Variants in VWA3B observed in about 807,000 individuals in gnomAD.
VWA3B encodes the protein von Willebrand factor A domain-containing protein 3B.
A neutral mutation model predicts 158.3 loss-of-function variants in VWA3B; 138 were observed. The ratio of observed to expected loss-of-function variants is 0.87; its 90% CI spans 0.76 to 1.00. The LOEUF is 1.00. Among genes scored for constraint, VWA3B ranks in the 50% least tolerant of loss-of-function variants. VWA3B has a pLI of 0.00. For synonymous variants in VWA3B, 596 were observed against 587.3 expected, an observed-to-expected ratio of 1.01 and a Z score of -0.21; for missense variants, 1,555 against 1,565.1, an observed-to-expected ratio of 0.99 and a Z score of 0.11.
At chr2:98,159,903 G>A (rs1195886734) in intron 7 of VWA3B, among the ~76,000 whole-genome samples, 31 of 151,794 alleles carry the variant, frequency 2.0e-4, no homozygotes, top group African/African-American at 6.5e-4. Context: ...CCAGCTATTC[G>A]GGAGGCTGAG....
Position 98,128,366 on chromosome 2 carries a change from C to CTA in VWA3B, c.833_834dup (p.Ala279Ter). Reference sequence around the variant, plus strand: ...TCCTTCAACGCCAGAGGAGAAGGCACTATAGCTTTTCTAAAGGATCTGAGT... The same window carrying CTA: ...TCCTTCAACGCCAGAGGAGAAGGCACTATATAGCTTTTCTAAAGGATCTGAGT... On this transcript the variant is annotated frameshift_variant, in exon 6 of 28. Transcript: ENST00000477737. LOFTEE classifies it high-confidence loss of function. 1.2e-6 allele frequency: 2 copies of CTA among 1,613,970 alleles called. No homozygotes were observed. The highest frequency in any genetic ancestry group is 1.7e-6 in the Non-Finnish European group (2 of 1,179,958).
chr2:98,184,994 C>T (rs1406112185), intron 9 of VWA3B, among the ~76,000 whole-genome samples: 13 of 152,220 alleles, frequency 8.5e-5, no homozygotes, highest in Admixed American at 8.5e-4. Context: ...ACTTCAGTCC[C>T]ATATGGAGGA....
intron 16 of VWA3B, among the ~76,000 whole-genome samples, chr2:98,232,632 T>TCTG (rs1339897682): frequency 2.6e-5 from 4 of 152,244 alleles, no homozygotes; most frequent in Non-Finnish European, 5.9e-5. Context: ...TGTTAGGAAC[T>TCTG]CTGCATCTCA....
the VWA3B span, among the ~76,000 whole-genome samples, chr2:98,327,484 A>T: frequency 6.6e-6 from 1 of 152,232 alleles, no homozygotes; most frequent in Non-Finnish European, 1.5e-5. Flanking sequence ...CTCTGTCATG[A>T]CCAAGTTAAA....
chr2:98,312,357 T>C lies in VWA3B; in HGVS notation c.*8T>C, dbSNP rs755355759. On this transcript the variant is annotated 3_prime_UTR_variant, in exon 28 of 28. Coordinates refer to ENST00000477737, the MANE Select transcript of VWA3B (RefSeq NM_144992.5). The stretch of plus-strand genomic sequence containing the variant: ...GTCCCTGAGACACTTTAAGGCCGTC[T>C]GGTGGCAGCTATGTTTAAGAGACCA... 1.2e-6 allele frequency: 2 copies of C among 1,602,288 alleles called. No individual in the cohort carries two copies. Among genetic ancestry groups the C allele is most frequent in the African/African-American group, 1.3e-5 (1 of 74,816 alleles).
At chr2:98,224,749 G>C (rs1684777322) in intron 14 of VWA3B, among the ~76,000 whole-genome samples, 1 of 42,378 alleles carries the variant, frequency 2.4e-5, no homozygotes, top group Non-Finnish European at 4.1e-5. Context: ...CTGGCAGTGT[G>C]AATTAAAAAA....
Position 98,185,960 on chromosome 2 carries a change from G to A in VWA3B, c.1312-2015G>A, listed in dbSNP as rs370879691. ...TCAATTCCTCAGTCGAGTTGTATAC[G>A]TTTCCTTTCTCTGCTTCTTCAATTC... On this transcript the variant is annotated intron_variant, in intron 9 of 27. Coordinates refer to ENST00000477737, the MANE Select transcript of VWA3B (RefSeq NM_144992.5). Among the ~76,000 whole-genome samples the A allele has an allele frequency of 3.5e-4, 54 of 152,140 alleles. No homozygotes were observed. The East Asian group carries it at 5.8e-3, about 16-fold the overall frequency.
chr2:98,095,918 C>G (rs1682677876), intron 2 of VWA3B, among the ~76,000 whole-genome samples: 1 of 152,034 alleles, frequency 6.6e-6, no homozygotes, highest in Admixed American at 6.6e-5. Context: ...ATGATGTATC[C>G]CATTTACTGA....
intron 3 of VWA3B, among the ~76,000 whole-genome samples, chr2:98,117,226 G>A (rs1674601846): frequency 6.6e-6 from 1 of 152,222 alleles, no homozygotes; most frequent in Non-Finnish European, 1.5e-5. Flanking sequence ...TTTCTCACCT[G>A]TGAAGGCTGA....
intron 12 of VWA3B, among the ~76,000 whole-genome samples, chr2:98,211,056 C>T (rs1683466065): frequency 6.6e-6 from 1 of 152,210 alleles, no homozygotes; most frequent in Non-Finnish European, 1.5e-5. Context: ...CAGCGGGGCC[C>T]CCACCAGGCA....
At chr2:98,207,151 G>A (rs1419139368) in intron 12 of VWA3B, 2 of 544,912 alleles carry the variant, frequency 3.7e-6, no homozygotes, top group African/African-American at 3.8e-5. Context: ...GCCTACCCTG[G>A]CCACTGACAT....
Position 98,194,417 on chromosome 2 carries a change from T to A in VWA3B, c.1662T>A (p.Val554=). 1.2e-6 allele frequency: 2 copies of A among 1,614,144 alleles called. No homozygotes were observed. Among genetic ancestry groups the A allele is most frequent in the South Asian group, 1.1e-5 (1 of 91,082 alleles). Residue 554 remains valine, a synonymous_variant, in exon 12 of 28, where the codon GTT becomes GTA. Transcript: ENST00000477737. ...FNFVKFDGQA[V]AWREQLAEVN... is the part of the protein sequence containing the mutation. ...TTGTGAAGTTTGATGGTCAAGCAGT[T>A]GCTTGGCGGGAACAACTTGCTGAAG...
intron 14 of VWA3B, 96 bp from the exon 15 acceptor site, chr2:98,228,106 T>C (rs927513010): frequency 2.8e-6 from 4 of 1,403,876 alleles, no homozygotes; most frequent in Non-Finnish European, 2.8e-6. Flanking sequence ...GTGGGCAACA[T>C]AGTGAACCTC....
At chr2:98,150,239 A>G (rs868754355) in intron 7 of VWA3B, among the ~76,000 whole-genome samples, 3 of 152,212 alleles carry the variant, frequency 2.0e-5, no homozygotes, top group South Asian at 4.1e-4. Flanking sequence ...CTATAGGTAC[A>G]TTAATTCCTT....
intron 2 of VWA3B, among the ~76,000 whole-genome samples, chr2:98,103,551 T>C (rs1034619103): frequency 5.3e-5 from 8 of 152,170 alleles, no homozygotes; most frequent in African/African-American, 1.9e-4. Flanking sequence ...AAAAAATGTG[T>C]TGTTTAATTT....
chr2:98,179,786 T>TTTTCTTTCTTTCTTTCTTTCTTTTTC, intron 8 of VWA3B, among the ~76,000 whole-genome samples: 1 of 116,772 alleles, frequency 8.6e-6, no homozygotes, highest in African/African-American at 3.0e-5. Context: ...TTTCTCTTTC[T>TTTTCTTTCTTTCTTTCTTTCTTTTTC]TTTCTTTCTT....
chr2:98,242,307 CAA>C (rs540611058), intron 19 of VWA3B: 67 of 456,200 alleles, frequency 1.5e-4, no homozygotes, highest in African/African-American at 1.2e-3. Flanking sequence ...AGGTATTGAG[CAA>C]AGAGGTTGCC....
chr2:98,304,574 C>T (rs777638889), intron 26 of VWA3B, among the ~76,000 whole-genome samples: 2 of 152,192 alleles, frequency 1.3e-5, no homozygotes, highest in Non-Finnish European at 2.9e-5. Flanking sequence ...TCCTCTCCCT[C>T]CACTTCTGAT....
At chr2:98,206,805 C>T (rs1683060384) in intron 12 of VWA3B, 1 of 372,504 alleles carries the variant, frequency 2.7e-6, no homozygotes, top group Non-Finnish European at 5.2e-6. Context: ...TGGAGTTAAT[C>T]AATAATGTTG....
Sources: allele counts gnomAD v4.1 joint callset (sites outside exome capture counted in the v4.1 genomes callset), GRCh38; gene constraint gnomAD v4.1.1; transcripts MANE v1.5; gene names NCBI Gene and HGNC (gene_info 2026-07-23, HGNC 2026-07-21).